Variants in ELMO1 observed in about 807,000 individuals in gnomAD.
The protein encoded by ELMO1 is engulfment and cell motility protein 1.
A neutral mutation model predicts 98.9 loss-of-function variants in ELMO1; 26 were observed. The ratio of observed to expected loss-of-function variants is 0.26; its 90% CI spans 0.19 to 0.36. The LOEUF (loss-of-function observed/expected upper bound fraction) is 0.36. Ranked by LOEUF, ELMO1 falls within the 10% of genes least tolerant of loss-of-function variation. ELMO1 has a pLI of 1.00. For synonymous variants in ELMO1, 346 were observed against 346.0 expected (o/e 1.00, Z 0.00); for missense variants, 627 against 935.2 (o/e 0.67, Z 4.30).
chr7:36,982,260 AG>A (rs1005691179), intron 16 of ELMO1, among the ~76,000 whole-genome samples: 11 of 152,254 alleles, frequency 7.2e-5, no homozygotes, highest in African/African-American at 2.7e-4. Context: ...ATCCAAATTG[AG>A]TTGTGTTGTA....
chr7:36,881,669 G>T (rs575216221), intron 18 of ELMO1, among the ~76,000 whole-genome samples: 1 of 152,154 alleles, frequency 6.6e-6, no homozygotes, highest in Admixed American at 6.5e-5. Flanking sequence ...GTGCGTGTGC[G>T]TGTGTGAAGG....
chr7:36,918,760 C>T (rs1188194906), intron 16 of ELMO1, among the ~76,000 whole-genome samples: 4 of 152,184 alleles, frequency 2.6e-5, no homozygotes, highest in Non-Finnish European at 5.9e-5. Context: ...AAAAGAAATA[C>T]ATTTCAAAAT....
intron 16 of ELMO1, among the ~76,000 whole-genome samples, chr7:36,979,457 A>G (rs1790861222): frequency 1.3e-5 from 2 of 152,190 alleles, no homozygotes; most frequent in African/African-American, 2.4e-5. Flanking sequence ...CATGGCTCAT[A>G]AGGTGGTCTT....
chr7:37,294,475 G>T (rs181299659), intron 4 of ELMO1, among the ~76,000 whole-genome samples: 1 of 152,142 alleles, frequency 6.6e-6, no homozygotes, highest in Non-Finnish European at 1.5e-5. Context: ...GATAATTGCG[G>T]GTGGGACTGC....
At chr7:37,433,796 A>G in intron 1 of ELMO1, among the ~76,000 whole-genome samples, 1 of 152,058 alleles carries the variant, frequency 6.6e-6, no homozygotes, top group Non-Finnish European at 1.5e-5. Context: ...TTTGGCAGTC[A>G]TGAACTAGTT....
chr7:37,179,877 T>C (rs1214157520), intron 13 of ELMO1, among the ~76,000 whole-genome samples: 1 of 152,206 alleles, frequency 6.6e-6, no homozygotes, highest in African/African-American at 2.4e-5. Flanking sequence ...AAGAGAAGAA[T>C]TCATCCTTCT....
intron 16 of ELMO1, among the ~76,000 whole-genome samples, chr7:37,003,714 A>T (rs955534773): frequency 6.6e-6 from 1 of 152,252 alleles, no homozygotes; most frequent in Non-Finnish European, 1.5e-5. Flanking sequence ...TGATTTAGTC[A>T]TTAAATATAT....
At chr7:36,970,596 C>T (rs1789855213) in intron 16 of ELMO1, among the ~76,000 whole-genome samples, 1 of 152,170 alleles carries the variant, frequency 6.6e-6, no homozygotes. Context: ...TTCCATGTCC[C>T]TGGCACATTA....
At chr7:36,996,774 C>A (rs982747311) in intron 16 of ELMO1, among the ~76,000 whole-genome samples, 3 of 152,074 alleles carry the variant, frequency 2.0e-5, no homozygotes, top group Admixed American at 2.0e-4. Context: ...GATTTTTCAC[C>A]GGAAAGAGTG....
At chr7:36,958,099 T>C (rs368696515) in intron 16 of ELMO1, among the ~76,000 whole-genome samples, 1 of 152,226 alleles carries the variant, frequency 6.6e-6, no homozygotes. Context: ...TGCCACCTTT[T>C]CCTTGTCCAT....
At chr7:37,250,849 T>C (rs940233958) in intron 6 of ELMO1, among the ~76,000 whole-genome samples, 5 of 151,904 alleles carry the variant, frequency 3.3e-5, no homozygotes, top group African/African-American at 7.3e-5. Context: ...TACATGAATT[T>C]AACTTTTGTT....
intron 15 of ELMO1, among the ~76,000 whole-genome samples, chr7:37,053,816 A>G (rs76155881): frequency 0.031 from 4,690 of 152,262 alleles, 120 homozygotes; most frequent in African/African-American, 0.066. Flanking sequence ...GCAATGTGCA[A>G]TTGATTAAGT....
Position 37,412,041 on chromosome 7 carries a change from CAA to C in ELMO1, c.-74+36632_-74+36633del, listed in dbSNP as rs1804012834. ...ACCTCTGCTCTCTCTCACACACACACAAAAACACACACACACAAAATGTTTTG... is the reference window on the plus strand; with the variant it reads ...ACCTCTGCTCTCTCTCACACACACACAAACACACACACACAAAATGTTTTG... On this transcript the variant is annotated intron_variant, in intron 1 of 21. Transcript: ENST00000310758. Among the ~76,000 whole-genome samples, 3 of 152,274 alleles carry C rather than the reference CAA, an allele frequency of 2.0e-5. No homozygotes were observed. The South Asian group carries it at 6.2e-4, about 32-fold the overall frequency.
At chr7:37,292,829 G>A (rs1431379272) in intron 4 of ELMO1, among the ~76,000 whole-genome samples, 12 of 114,180 alleles carry the variant, frequency 1.1e-4, no homozygotes, top group South Asian at 3.0e-4. Flanking sequence ...GCCCTGTCCG[G>A]GAGGTGAGGG....
intron 13 of ELMO1, among the ~76,000 whole-genome samples, chr7:37,170,659 G>A (rs1020630408): frequency 2.7e-5 from 4 of 150,478 alleles, no homozygotes; most frequent in African/African-American, 9.8e-5. Flanking sequence ...ACCCAGGCAG[G>A]AGTACAGCAG....
At chr7:37,343,487 CT>C (rs10571805) in intron 1 of ELMO1, among the ~76,000 whole-genome samples, 975 of 92,706 alleles carry the variant, frequency 0.011, 6 homozygotes, top group East Asian at 0.044. Context: ...TAGCCCATTT[CT>C]TTTTTTTTTT....
At chr7:37,410,499 T>C (rs962158090) in intron 1 of ELMO1, among the ~76,000 whole-genome samples, 1 of 152,188 alleles carries the variant, frequency 6.6e-6, no homozygotes, top group East Asian at 1.9e-4. Context: ...GAGGGCCAGA[T>C]GCCTCAGTTC....
At chr7:37,183,919 ATTTT>A (rs1791037017) in intron 13 of ELMO1, among the ~76,000 whole-genome samples, 1 of 152,094 alleles carries the variant, frequency 6.6e-6, no homozygotes, top group African/African-American at 2.4e-5. Flanking sequence ...CAGAAATTTT[ATTTT>A]TTGTTTCTAG....
chr7:37,416,383 A>G (rs1487672141), intron 1 of ELMO1, among the ~76,000 whole-genome samples: 1 of 152,244 alleles, frequency 6.6e-6, no homozygotes, highest in Non-Finnish European at 1.5e-5. Context: ...CAGGAATCCC[A>G]TTCTCACTGA....
Sources: gnomAD v4.1 joint callset for allele counts (sites outside exome capture counted in the v4.1 genomes callset) on GRCh38, gnomAD v4.1.1 for gene constraint, MANE v1.5 for transcripts, NCBI Gene and HGNC (gene_info 2026-07-23, HGNC 2026-07-21) for gene names.